Variants in TRMT61B observed in about 807,000 individuals in gnomAD.
TRMT61B encodes tRNA methyltransferase 61B.
In TRMT61B, 56 loss-of-function variants were observed where a neutral mutation model predicts 52.0. The observed-to-expected ratio is 1.08, with a 90% confidence interval of 0.87 to 1.35. TRMT61B has a LOEUF of 1.35. Ranked by LOEUF, TRMT61B falls within the 40% of genes most tolerant of loss-of-function variation. The pLI, the probability that TRMT61B is intolerant of heterozygous loss-of-function variation, is 0.00. For missense variants in TRMT61B, 650 were observed against 577.9 expected, an observed-to-expected ratio of 1.12 and a Z score of -1.28; for synonymous variants, 206 against 220.0, an observed-to-expected ratio of 0.94 and a Z score of 0.56.
At chr2:28,853,059 G>A (rs1669192121) in intron 3 of TRMT61B, among the ~76,000 whole-genome samples, 1 of 152,114 alleles carries the variant, frequency 6.6e-6, no homozygotes, top group Non-Finnish European at 1.5e-5. Flanking sequence ...ATTTGGCTAT[G>A]TATGTATATA....
Position 28,870,187 on chromosome 2 carries a change from G to C in TRMT61B, c.91C>G (p.Pro31Ala), listed in dbSNP as rs374991019. ...CACAGTGACCGAGCTCCCTCGAAGG[G>C]CTCCTGCCCCAGGCCGTGCAGGAAT... The part of the protein sequence containing the change: ...NSFLHGLGQE[P>A]FEGARSLCCR... Residue 31 changes from proline (P) to alanine (A), a missense_variant, in exon 1 of 7, where the codon CCC (proline) becomes GCC (alanine). Physicochemically the swap from Pro to Ala is conservative, Grantham distance 27 (BLOSUM62 -1). Coordinates refer to ENST00000306108, the MANE Select transcript of TRMT61B (RefSeq NM_017910.4). 2 of 1,613,090 alleles carry C rather than the reference G, an allele frequency of 1.2e-6. No homozygotes were observed. Among genetic ancestry groups the C allele is most frequent in the African/African-American group, 2.7e-5 (2 of 75,064 alleles).
chr2:28,850,152 T>G lies in TRMT61B; in HGVS notation c.*47A>C, dbSNP rs1449192157. On this transcript the variant is annotated 3_prime_UTR_variant, in exon 7 of 7. Coordinates refer to ENST00000306108, the MANE Select transcript of TRMT61B (RefSeq NM_017910.4). The stretch of plus-strand genomic sequence containing the variant: ...CAGTGATTTTCAATATAAAGTTCTA[T>G]TTTGATATTTTTCCATCTTCAAGTC... 6.5e-7 allele frequency: 1 copy of G among 1,545,644 alleles called. No homozygotes were observed. The highest frequency in any genetic ancestry group is 2.2e-5 in the East Asian group (1 of 44,468).
At chr2:28,851,395 T>TTAA in intron 4 of TRMT61B, 97 bp from the exon 5 acceptor site, 1 of 823,140 alleles carries the variant, frequency 1.2e-6, no homozygotes, top group East Asian at 2.8e-5. Flanking sequence ...AATACCATAG[T>TTAA]TAAATTAAGG....
At position 28,870,092 on chromosome 2, in the gene TRMT61B, T is replaced by C. The variant is rs755373269; in HGVS notation, c.186A>G (p.Pro62=). Residue 62 remains proline (P), a synonymous_variant, in exon 1 of 7, where the codon CCA becomes CCG. Transcript: ENST00000306108. ...GGAGAGATGGGCAAGACTCTGCTCCTGGGGCTTTCCTTTGTGCCGCCTCGT... is the reference window on the plus strand; with the variant it reads ...GGAGAGATGGGCAAGACTCTGCTCCCGGGGCTTTCCTTTGTGCCGCCTCGT... ...REHEAAQRKA[P]GAESCPSLPL... is the part of the protein sequence containing the mutation. The C allele has an allele frequency of 4.5e-5, 73 of 1,613,932 alleles. No homozygotes were observed. The highest frequency in any genetic ancestry group is 5.3e-5 in the Non-Finnish European group (63 of 1,180,014).
intron 3 of TRMT61B, among the ~76,000 whole-genome samples, chr2:28,859,164 C>T (rs532962132): frequency 4.6e-5 from 7 of 152,264 alleles, no homozygotes; most frequent in African/African-American, 1.7e-4. Flanking sequence ...ACTGCAAGCT[C>T]CGCCTCCCGG....
rs767309343 is a variant in TRMT61B at position 28,869,930 on chromosome 2, G to A, written c.348C>T (p.His116=). The change falls in exon 1 of 7, where the codon CAC becomes CAT. Residue 116 remains histidine (H), a synonymous_variant. Transcript: ENST00000306108. ...GCATCGAAGGATCCTCGGATCCCTG[G>A]TGTGTGGGACCGCACCGGCCCTGGT... is the stretch of plus-strand genomic sequence containing the variant. The part of the protein sequence containing the change: ...SGDQGRCGPT[H]QGSEDPSMLS... 1.9e-6 allele frequency: 3 copies of A among 1,613,748 alleles called. No individual in the cohort carries two copies. Among genetic ancestry groups the A allele is most frequent in the Middle Eastern group, 1.6e-4 (1 of 6,084 alleles).
At position 28,850,070 on chromosome 2, in the gene TRMT61B, TTATATG is replaced by T; in HGVS notation, c.*123_*128del. 8.6e-7 allele frequency: 1 copy of T among 1,165,028 alleles called. No individual in the cohort carries two copies. Among genetic ancestry groups the T allele is most frequent in the Non-Finnish European group, 1.2e-6 (1 of 809,512 alleles). 72.2% of individuals were successfully genotyped at this position (1,165,028 alleles called of 1,614,324 possible). On this transcript the variant is annotated 3_prime_UTR_variant, in exon 7 of 7. Coordinates refer to ENST00000306108, the MANE Select transcript of TRMT61B (RefSeq NM_017910.4). ...CATCTTTTAGTTGTTATTTTCAAAA[TTATATG>T]TATAAGTTATATAAGTCATAGTAAT...
chr2:28,849,978 C>G lies in TRMT61B; in HGVS notation c.*221G>C, dbSNP rs753481746. 1 of 1,458,950 alleles carries G rather than the reference C, an allele frequency of 6.9e-7. No homozygotes were observed. The highest frequency in any genetic ancestry group is 1.4e-5 in the African/African-American group (1 of 70,594). 90.4% of individuals were successfully genotyped at this position (1,458,950 alleles called of 1,614,324 possible). ...TAAACCAATTTGGAATCATTAACTA[C>G]AAAATGTCAAACTAACTGCAAGACA... On this transcript the variant is annotated 3_prime_UTR_variant, in exon 7 of 7. Transcript: ENST00000306108.
At chr2:28,865,224 C>T (rs897073374) in intron 1 of TRMT61B, 105 bp from the exon 2 acceptor site, 8 of 620,654 alleles carry the variant, frequency 1.3e-5, no homozygotes, top group African/African-American at 5.5e-5. Flanking sequence ...AGTGAAAAAA[C>T]GAATCAGACT....
At chr2:28,852,234 A>G (rs1249448519) in intron 4 of TRMT61B, among the ~76,000 whole-genome samples, 174 bp downstream of exon 4, 1 of 150,184 alleles carries the variant, frequency 6.7e-6, no homozygotes, top group African/African-American at 2.5e-5. Flanking sequence ...AATTGCTTGA[A>G]CAGGGGAGGT....
chr2:28,853,229 A>G (rs1669198589), intron 3 of TRMT61B, among the ~76,000 whole-genome samples: 1 of 151,236 alleles, frequency 6.6e-6, no homozygotes, highest in Non-Finnish European at 1.5e-5. Context: ...AGGCTGGAGT[A>G]CAGTGGCACA....
intron 3 of TRMT61B, among the ~76,000 whole-genome samples, chr2:28,855,025 AAAATT>A (rs372166021): frequency 6.6e-6 from 1 of 152,320 alleles, no homozygotes; most frequent in African/African-American, 2.4e-5. Flanking sequence ...TGAAGAAAAT[AAAATT>A]AAGTTTAACC....
At chr2:28,867,887 CA>C (rs889059063) in intron 1 of TRMT61B, among the ~76,000 whole-genome samples, 4 of 151,780 alleles carry the variant, frequency 2.6e-5, no homozygotes, top group African/African-American at 9.7e-5. Context: ...CCCAACTCTA[CA>C]AAAAAAATTT....
Position 28,869,850 on chromosome 2 carries a change from CAAG to C in TRMT61B, c.425_427del (p.Ser142del), listed in dbSNP as rs780815093. 1,490 of 1,614,172 alleles carry C rather than the reference CAAG, an allele frequency of 9.2e-4. 19 individuals carry two copies. Among genetic ancestry groups the C allele is most frequent in the Admixed American group, 5.0e-4 (30 of 60,012 alleles). ...AAAGGGTCTCTCTCTGGAAGTTGAA[CAAG>C]AAGGGGAGACGTGACGCTCTTCGAC... On this transcript the variant is annotated inframe_deletion, in exon 1 of 7. Coordinates refer to ENST00000306108, the MANE Select transcript of TRMT61B (RefSeq NM_017910.4).
chr2:28,861,561 T>G (rs1261895670), intron 2 of TRMT61B: 3 of 425,838 alleles, frequency 7.0e-6, no homozygotes, highest in African/African-American at 2.0e-5. Flanking sequence ...CTCTGTGTTT[T>G]TAATACACAC....
chr2:28,865,200 G>A, intron 1 of TRMT61B, 81 bp from the exon 2 acceptor site: 1 of 776,474 alleles, frequency 1.3e-6, no homozygotes, highest in Non-Finnish European at 2.2e-6. Context: ...ATTGTTGGGT[G>A]TGCAGAAGAA....
At chr2:28,859,019 C>A (rs1390146032) in intron 3 of TRMT61B, among the ~76,000 whole-genome samples, 2 of 151,104 alleles carry the variant, frequency 1.3e-5, no homozygotes, top group African/African-American at 4.9e-5. Flanking sequence ...CTCGGCCTCC[C>A]AAGTAGCTGG....
In TRMT61B at chr2:28,850,195, G is replaced by A. The variant is rs1387260870; in HGVS notation, c.*4C>T. On this transcript the variant is annotated 3_prime_UTR_variant, in exon 7 of 7. Transcript: ENST00000306108. ...TTCAAGTCAGTTACTGTCATCTGGA[G>A]TACTCAGTTAAGTTGTGGTTTGACC... 4 of 1,610,050 alleles carry A rather than the reference G, an allele frequency of 2.5e-6. No individual in the cohort carries two copies. The highest frequency in any genetic ancestry group is 3.4e-6 in the Non-Finnish European group (4 of 1,177,790).
intron 3 of TRMT61B, among the ~76,000 whole-genome samples, chr2:28,859,575 A>G (rs1669508957): frequency 1.3e-5 from 2 of 152,030 alleles, no homozygotes; most frequent in African/African-American, 4.8e-5. Context: ...AACGGTATAT[A>G]ACTCTCCCCC....
Sources: gnomAD v4.1 joint callset for allele counts (sites outside exome capture counted in the v4.1 genomes callset) on GRCh38, gnomAD v4.1.1 for gene constraint, MANE v1.5 for transcripts, NCBI Gene and HGNC (gene_info 2026-07-23, HGNC 2026-07-21) for gene names.